FAM168A: variants seen among roughly 807,000 people sequenced by gnomAD.
The protein encoded by FAM168A is family with sequence similarity 168 member A, also known as protein FAM168A.
A neutral mutation model predicts 28.5 loss-of-function variants in FAM168A; 3 were observed. That is an observed-to-expected ratio of 0.11 (90% CI 0.05 to 0.27). FAM168A has a LOEUF of 0.27. Among genes scored for constraint, FAM168A ranks in the 10% least tolerant of loss-of-function variants. FAM168A has a pLI of 1.00. For synonymous variants in FAM168A, 122 were observed against 124.2 expected (o/e 0.98, Z 0.12); for missense variants, 222 against 311.5 (o/e 0.71, Z 2.16).
intron 1 of FAM168A, among the ~76,000 whole-genome samples, chr11:73,562,911 T>C (rs530591269): frequency 6.6e-6 from 1 of 152,224 alleles, no homozygotes; most frequent in Non-Finnish European, 1.5e-5. Flanking sequence ...GCTGAGCATA[T>C]TTAGTAAGGC....
chr11:73,469,275 C>T (rs1231281593), intron 1 of FAM168A, among the ~76,000 whole-genome samples: 1 of 152,114 alleles, frequency 6.6e-6, no homozygotes, highest in African/African-American at 2.4e-5. Flanking sequence ...CCAATTTGTC[C>T]CACCTTGTTT....
intron 1 of FAM168A, among the ~76,000 whole-genome samples, chr11:73,515,508 C>CAAAAAAAA (rs61655633): frequency 1.5e-5 from 1 of 66,514 alleles, no homozygotes; most frequent in Non-Finnish European, 3.8e-5. Context: ...AACTCTGTCT[C>CAAAAAAAA]AAAAAAAAAA....
chr11:73,548,905 G>T (rs1355399994), intron 1 of FAM168A, among the ~76,000 whole-genome samples: 1 of 152,044 alleles, frequency 6.6e-6, no homozygotes, highest in Non-Finnish European at 1.5e-5. Flanking sequence ...CAAAGTGCTG[G>T]GATTATAGGA....
intron 1 of FAM168A, among the ~76,000 whole-genome samples, chr11:73,571,767 T>G (rs1302750616): frequency 6.7e-6 from 1 of 148,220 alleles, no homozygotes; most frequent in Non-Finnish European, 1.5e-5. Flanking sequence ...GAGGAGCATC[T>G]CTGCCCGGCC....
chr11:73,475,125 A>C (rs762957163), intron 1 of FAM168A, among the ~76,000 whole-genome samples: 4 of 152,170 alleles, frequency 2.6e-5, no homozygotes, highest in Non-Finnish European at 5.9e-5. Context: ...AAAATAACGA[A>C]ATATATGACC....
intron 2 of FAM168A, among the ~76,000 whole-genome samples, chr11:73,445,419 C>CTCTCTCTCTTTTTTTTTTTTT (rs776745757): frequency 2.0e-5 from 1 of 50,432 alleles, no homozygotes; most frequent in Admixed American, 3.2e-4. Context: ...AAAAATGTCT[C>CTCTCTCTCTTTTTTTTTTTTT]TTTTTTTTTT....
chr11:73,534,470 G>A (rs111480609), intron 1 of FAM168A, among the ~76,000 whole-genome samples: 20 of 151,052 alleles, frequency 1.3e-4, no homozygotes, highest in East Asian at 7.8e-4. Flanking sequence ...TGGTGCGATC[G>A]CAGTTCACTG....
intron 1 of FAM168A, among the ~76,000 whole-genome samples, chr11:73,558,309 A>C: frequency 6.6e-6 from 1 of 152,008 alleles, no homozygotes. Flanking sequence ...AAAAAATGTA[A>C]AAAAGAAAAA....
chr11:73,592,308 AAAT>A (rs1944392571), intron 1 of FAM168A, among the ~76,000 whole-genome samples: 1 of 152,270 alleles, frequency 6.6e-6, no homozygotes, highest in Non-Finnish European at 1.5e-5. Context: ...TTCATACAGA[AAAT>A]AATGGCTCAT....
At chr11:73,461,779 GA>G (rs2134565429) in intron 2 of FAM168A, among the ~76,000 whole-genome samples, 2 of 152,288 alleles carry the variant, frequency 1.3e-5, no homozygotes, top group East Asian at 3.9e-4. Context: ...TATATGAAAG[GA>G]GTTAGGAAGT....
chr11:73,538,991 T>C (rs940495565), intron 1 of FAM168A, among the ~76,000 whole-genome samples: 2 of 152,170 alleles, frequency 1.3e-5, no homozygotes, highest in African/African-American at 4.8e-5. Flanking sequence ...AGATCCTCAA[T>C]ATAAGAAGAT....
intron 4 of FAM168A, among the ~76,000 whole-genome samples, chr11:73,412,571 C>T (rs534994174): frequency 7.9e-5 from 12 of 152,200 alleles, no homozygotes. Flanking sequence ...AATCGTTCTA[C>T]GGAACCCAAG....
chr11:73,596,610 C>T (rs1348058821), intron 1 of FAM168A, among the ~76,000 whole-genome samples: 1 of 152,180 alleles, frequency 6.6e-6, no homozygotes, highest in Non-Finnish European at 1.5e-5. Context: ...CTCTAACAGC[C>T]TTACTGCCTC....
At chr11:73,492,741 C>T (rs1468150319) in intron 1 of FAM168A, among the ~76,000 whole-genome samples, 2 of 152,122 alleles carry the variant, frequency 1.3e-5, no homozygotes, top group Non-Finnish European at 2.9e-5. Flanking sequence ...GAATAAGATA[C>T]GGTTTGCCCT....
Position 73,568,723 on chromosome 11 carries a change from C to G in FAM168A, c.-19+29200G>C, listed in dbSNP as rs190538856. Among the ~76,000 whole-genome samples the G allele has an allele frequency of 5.3e-5, 8 of 152,042 alleles. No homozygotes were observed. In the East Asian group the frequency reaches 9.7e-4, roughly 18 times the overall value. On this transcript the variant is annotated intron_variant, in intron 1 of 7. Coordinates refer to ENST00000356467, the MANE Select transcript of FAM168A (RefSeq NM_015159.3). ...CAGCCTGGCCAACTGAGTGAAACCC[C>G]GTATCTACTAAAAATACAAAAATTA...
At chr11:73,413,989 G>C (rs1747442347) in intron 4 of FAM168A, among the ~76,000 whole-genome samples, 1 of 152,170 alleles carries the variant, frequency 6.6e-6, no homozygotes, top group Admixed American at 6.5e-5. Flanking sequence ...CTTGAGCCCA[G>C]GAGTCTAAGG....
intron 2 of FAM168A, among the ~76,000 whole-genome samples, chr11:73,467,985 T>A (rs187087905): frequency 6.6e-6 from 1 of 152,220 alleles, no homozygotes; most frequent in East Asian, 1.9e-4. Context: ...GAAACTCCAA[T>A]ATATTTCTGA....
At chr11:73,574,037 T>C (rs1944141537) in intron 1 of FAM168A, among the ~76,000 whole-genome samples, 1 of 151,386 alleles carries the variant, frequency 6.6e-6, no homozygotes. Context: ...GGCAGGGGGA[T>C]CACTAAGCCC....
At chr11:73,488,902 T>C (rs925905966) in intron 1 of FAM168A, among the ~76,000 whole-genome samples, 1 of 152,222 alleles carries the variant, frequency 6.6e-6, no homozygotes, top group African/African-American at 2.4e-5. Flanking sequence ...CTTTGTTTTT[T>C]TCTTGAGACG....
Sources: gnomAD v4.1 joint callset for allele counts (sites outside exome capture counted in the v4.1 genomes callset) on GRCh38, gnomAD v4.1.1 for gene constraint, MANE v1.5 for transcripts, NCBI Gene and HGNC (gene_info 2026-07-23, HGNC 2026-07-21) for gene names.